PPA2: variants seen among roughly 807,000 people sequenced by gnomAD.
PPA2 encodes inorganic pyrophosphatase 2.
Under a neutral mutation model 49.5 loss-of-function variants are expected in PPA2, and 48 were observed. The ratio of observed to expected loss-of-function variants is 0.97; its 90% CI spans 0.77 to 1.23. The LOEUF is 1.23. PPA2 is among the 50% of genes most tolerant of loss of function. The pLI is 0.00. For missense variants in PPA2, 429 were observed against 410.1 expected, an observed-to-expected ratio of 1.05 and a Z score of -0.40; for synonymous variants, 131 against 139.9, an observed-to-expected ratio of 0.94 and a Z score of 0.45.
intron 6 of PPA2, 89 bp downstream of exon 6, chr4:105,437,861 A>G: frequency 1.1e-6 from 1 of 917,680 alleles, no homozygotes; most frequent in East Asian, 2.7e-5. Flanking sequence ...TGAACTCTGA[A>G]GAGTTGAAGA....
intron 10 of PPA2, among the ~76,000 whole-genome samples, chr4:105,375,098 A>C (rs1006847247): frequency 3.3e-5 from 5 of 151,952 alleles, no homozygotes; most frequent in Non-Finnish European, 4.4e-5. Flanking sequence ...TAGAATCAAC[A>C]ATATAGGTTC....
At chr4:105,426,045 A>G (rs1388646850) in intron 6 of PPA2, among the ~76,000 whole-genome samples, 2 of 152,168 alleles carry the variant, frequency 1.3e-5, no homozygotes, top group Non-Finnish European at 2.9e-5. Flanking sequence ...ACTTTCTGGG[A>G]TGATGGAAAT....
intron 9 of PPA2, among the ~76,000 whole-genome samples, chr4:105,390,896 T>C (rs1733889040): frequency 6.6e-6 from 1 of 152,180 alleles, no homozygotes; most frequent in African/African-American, 2.4e-5. Context: ...GTATGTTTAT[T>C]GCAGCACTAT....
chr4:105,473,453 G>C (rs769027996), intron 1 of PPA2: 1 of 380,134 alleles, frequency 2.6e-6, no homozygotes, highest in Non-Finnish European at 5.2e-6. Flanking sequence ...GGGAGCTCCC[G>C]CAGTAGGAGG....
intron 1 of PPA2, among the ~76,000 whole-genome samples, chr4:105,466,701 C>T (rs1469897335): frequency 6.6e-6 from 1 of 152,188 alleles, no homozygotes; most frequent in East Asian, 1.9e-4. Flanking sequence ...AAGACAAATG[C>T]ACGGTTTGAC....
chr4:105,417,230 T>C (rs1467244211), intron 7 of PPA2, among the ~76,000 whole-genome samples: 2 of 152,202 alleles, frequency 1.3e-5, no homozygotes, highest in Non-Finnish European at 2.9e-5. Context: ...AACGTGCCAA[T>C]GTCCCCAAGA....
intron 6 of PPA2, among the ~76,000 whole-genome samples, 189 bp downstream of exon 6, chr4:105,437,761 T>C (rs972424978): frequency 6.6e-6 from 1 of 152,230 alleles, no homozygotes; most frequent in Non-Finnish European, 1.5e-5. Flanking sequence ...TGGCTTTGAC[T>C]TGTTACAGGG....
At chr4:105,454,310 G>A (rs1012384097) in intron 2 of PPA2, among the ~76,000 whole-genome samples, 1 of 134,636 alleles carries the variant, frequency 7.4e-6, no homozygotes, top group Non-Finnish European at 1.6e-5. Flanking sequence ...TGCTGTTGTT[G>A]TTGTTGTTGT....
At chr4:105,382,080 T>C (rs901343511) in intron 10 of PPA2, among the ~76,000 whole-genome samples, 1 of 152,036 alleles carries the variant, frequency 6.6e-6, no homozygotes, top group Admixed American at 6.5e-5. Context: ...AGTTTTAACA[T>C]ACACTGACTC....
chr4:105,410,931 G>T (rs1241478635), intron 7 of PPA2, among the ~76,000 whole-genome samples: 3 of 152,098 alleles, frequency 2.0e-5, no homozygotes, highest in Non-Finnish European at 4.4e-5. Flanking sequence ...ACATGGAAAG[G>T]AATAACCGGT....
At chr4:105,416,547 A>G (rs1265829019) in intron 7 of PPA2, among the ~76,000 whole-genome samples, 1 of 152,208 alleles carries the variant, frequency 6.6e-6, no homozygotes, top group Non-Finnish European at 1.5e-5. Context: ...CACAACTAGT[A>G]CCCTCTAAAG....
intron 7 of PPA2, among the ~76,000 whole-genome samples, chr4:105,413,327 G>T (rs1421079002): frequency 6.6e-6 from 1 of 151,952 alleles, no homozygotes; most frequent in East Asian, 1.9e-4. Context: ...TGGGGGGTGG[G>T]GGACTGGGGG....
intron 3 of PPA2, among the ~76,000 whole-genome samples, chr4:105,453,157 C>G (rs1722737311): frequency 6.6e-6 from 1 of 151,908 alleles, no homozygotes; most frequent in Non-Finnish European, 1.5e-5. Flanking sequence ...TCAGGTTTTC[C>G]CATTGTAAAA....
At chr4:105,396,064 T>G (rs1271291855) in intron 9 of PPA2, among the ~76,000 whole-genome samples, 185 bp downstream of exon 9, 1 of 152,114 alleles carries the variant, frequency 6.6e-6, no homozygotes, top group South Asian at 2.1e-4. Context: ...ATAAATTCCT[T>G]GAGAAAAAAG....
At chr4:105,427,333 T>C (rs1411237078) in intron 6 of PPA2, among the ~76,000 whole-genome samples, 1 of 152,078 alleles carries the variant, frequency 6.6e-6, no homozygotes, top group Non-Finnish European at 1.5e-5. Context: ...AGAACAAAAC[T>C]GCATGAAGAA....
In PPA2 at chr4:105,446,497, G is replaced by T. The variant is rs552337598; in HGVS notation, c.327C>A (p.Ala109=). The T allele has an allele frequency of 6.2e-7, 1 of 1,600,818 alleles. No homozygotes were observed. The highest frequency in any genetic ancestry group is 2.3e-5 in the East Asian group (1 of 43,988). ...TAATGGGATTCATTGGCTCCTTGGT[G>T]GCAATCTAAGCAAATCACAGAAGGA... ...PRWTNAKMEI[A]TKEPMNPIKQ... is the part of the protein sequence containing the mutation. The change falls in exon 5 of 12, where the codon GCC becomes GCA. Residue 109 remains alanine, a synonymous_variant. Transcript: ENST00000341695.
chr4:105,408,031 G>C (rs968876691), intron 7 of PPA2, among the ~76,000 whole-genome samples: 6 of 152,184 alleles, frequency 3.9e-5, no homozygotes, highest in African/African-American at 7.2e-5. Flanking sequence ...ATAAAAGAGA[G>C]AGAGAGTCCC....
chr4:105,438,838 G>T lies in PPA2; in HGVS notation c.442-802C>A, dbSNP rs142247147. On this transcript the variant is annotated intron_variant, in intron 5 of 11. Transcript: ENST00000341695. ...AGGGATACAGAGACCGTCATCCCAA[G>T]AATCAGATTATCATTATTATCTAAG... is the stretch of plus-strand genomic sequence containing the variant. 3.8e-3 allele frequency among the ~76,000 whole-genome samples: 583 copies of T among 152,176 alleles called. 4 individuals carry two copies. The highest frequency in any genetic ancestry group is 6.1e-3 in the Non-Finnish European group (412 of 67,986).
chr4:105,385,141 G>A (rs2110373687), intron 10 of PPA2, among the ~76,000 whole-genome samples: 1 of 152,254 alleles, frequency 6.6e-6, no homozygotes, highest in East Asian at 1.9e-4. Flanking sequence ...GTGAGGCTGT[G>A]GCTGACTGCC....
Sources: gnomAD v4.1 joint callset for allele counts (sites outside exome capture counted in the v4.1 genomes callset) on GRCh38, gnomAD v4.1.1 for gene constraint, MANE v1.5 for transcripts, NCBI Gene and HGNC (gene_info 2026-07-23, HGNC 2026-07-21) for gene names.